Variants in ROBO2 observed in about 807,000 individuals in gnomAD.
ROBO2 encodes roundabout guidance receptor 2.
A neutral mutation model predicts 160.8 loss-of-function variants in ROBO2; 53 were observed. The ratio of observed to expected loss-of-function variants is 0.33; its 90% CI spans 0.26 to 0.41. The LOEUF is 0.41. Ranked by LOEUF, ROBO2 falls within the 10% of genes least tolerant of loss-of-function variation. The pLI, the probability that ROBO2 is intolerant of heterozygous loss-of-function variation, is 1.00. For synonymous variants in ROBO2, 664 were observed against 611.7 expected, an observed-to-expected ratio of 1.09 and a Z score of -1.26; for missense variants, 1,577 against 1,722.4, an observed-to-expected ratio of 0.92 and a Z score of 1.49.
At chr3:76,213,776 C>T (rs189772916) in intron 2 of ROBO2, among the ~76,000 whole-genome samples, 4 of 152,084 alleles carry the variant, frequency 2.6e-5, no homozygotes, top group Admixed American at 6.6e-5. Flanking sequence ...CATATTTTAT[C>T]GTTATTAATT....
At chr3:77,303,655 TGGG>T (rs1461597833) in intron 2 of ROBO2, among the ~76,000 whole-genome samples, 1 of 152,086 alleles carries the variant, frequency 6.6e-6, no homozygotes, top group Non-Finnish European at 1.5e-5. Context: ...TTGTACATAA[TGGG>T]TGGTGGTGGT....
intron 1 of ROBO2, among the ~76,000 whole-genome samples, chr3:75,930,548 T>A (rs1947490625): frequency 6.6e-6 from 1 of 152,200 alleles, no homozygotes; most frequent in African/African-American, 2.4e-5. Flanking sequence ...ACACACATAC[T>A]CTCTCTAAGC....
At chr3:76,796,338 A>C (rs1386453098) in intron 2 of ROBO2, among the ~76,000 whole-genome samples, 1 of 151,996 alleles carries the variant, frequency 6.6e-6, no homozygotes, top group Non-Finnish European at 1.5e-5. Context: ...ATCTGATATC[A>C]AAACATCTAC....
intron 2 of ROBO2, among the ~76,000 whole-genome samples, chr3:77,310,348 T>C (rs920734356): frequency 6.6e-6 from 1 of 152,164 alleles, no homozygotes; most frequent in Non-Finnish European, 1.5e-5. Context: ...TGAGAACCTA[T>C]GAGAAATTAA....
At chr3:76,166,874 T>C (rs960212683) in intron 2 of ROBO2, among the ~76,000 whole-genome samples, 1 of 152,220 alleles carries the variant, frequency 6.6e-6, no homozygotes, top group African/African-American at 2.4e-5. Flanking sequence ...TGGCCTGACA[T>C]GTGCACTTAT....
intron 2 of ROBO2, among the ~76,000 whole-genome samples, chr3:77,321,775 G>T (rs539830255): frequency 2.6e-5 from 4 of 152,054 alleles, no homozygotes; most frequent in Admixed American, 6.6e-5. Context: ...ACGGGCAAGC[G>T]GCAAGTGAAC....
chr3:76,295,186 T>G (rs1229779891), intron 2 of ROBO2, among the ~76,000 whole-genome samples: 1 of 152,166 alleles, frequency 6.6e-6, no homozygotes, highest in African/African-American at 2.4e-5. Context: ...TCAGACATAC[T>G]AACTTAGACT....
chr3:76,497,743 T>A (rs2080232938), intron 2 of ROBO2, among the ~76,000 whole-genome samples: 1 of 152,184 alleles, frequency 6.6e-6, no homozygotes, highest in Non-Finnish European at 1.5e-5. Context: ...GTTGAAGGTG[T>A]TCACAGAAAA....
At chr3:76,324,485 G>A (rs971433337) in intron 2 of ROBO2, among the ~76,000 whole-genome samples, 8 of 152,138 alleles carry the variant, frequency 5.3e-5, no homozygotes, top group Non-Finnish European at 8.8e-5. Flanking sequence ...AATGCAGGAC[G>A]GAGATTTTTT....
chr3:76,189,411 C>G (rs937713140), intron 2 of ROBO2, among the ~76,000 whole-genome samples: 2 of 151,980 alleles, frequency 1.3e-5, no homozygotes, highest in African/African-American at 4.8e-5. Context: ...TAAAAATAAA[C>G]CCAGATAATG....
At chr3:76,001,611 C>T (rs140293285) in intron 2 of ROBO2, among the ~76,000 whole-genome samples, 6 of 152,252 alleles carry the variant, frequency 3.9e-5, no homozygotes, top group African/African-American at 9.6e-5. Context: ...AATCATGGCT[C>T]ACTGCAGCCT....
chr3:77,294,332 A>C (rs1169558843), intron 2 of ROBO2, among the ~76,000 whole-genome samples: 1 of 143,566 alleles, frequency 7.0e-6, no homozygotes. Context: ...CTGAGGCTAG[A>C]TCACCAAAGA....
intron 2 of ROBO2, among the ~76,000 whole-genome samples, chr3:76,756,175 T>C (rs970815796): frequency 2.0e-5 from 3 of 151,880 alleles, no homozygotes; most frequent in Admixed American, 6.6e-5. Flanking sequence ...CAAGCAAATA[T>C]GTTACAGCGT....
intron 2 of ROBO2, among the ~76,000 whole-genome samples, chr3:76,287,595 C>T (rs780651807): frequency 3.3e-5 from 5 of 152,080 alleles, no homozygotes; most frequent in Non-Finnish European, 7.3e-5. Flanking sequence ...CCGCCGTGCC[C>T]GGCCCTTTTC....
chr3:77,277,938 T>C (rs1027379183), intron 2 of ROBO2, among the ~76,000 whole-genome samples: 2 of 143,702 alleles, frequency 1.4e-5, no homozygotes, highest in African/African-American at 4.9e-5. Context: ...TGTAAAAACA[T>C]TTCTTTTTCT....
At chr3:76,873,136 T>G (rs1047007662) in intron 2 of ROBO2, among the ~76,000 whole-genome samples, 2 of 152,186 alleles carry the variant, frequency 1.3e-5, no homozygotes, top group Non-Finnish European at 2.9e-5. Context: ...TTACTTTTAG[T>G]GCACATTAAA....
chr3:76,715,978 A>G (rs1057463638), intron 2 of ROBO2, among the ~76,000 whole-genome samples: 13 of 152,160 alleles, frequency 8.5e-5, no homozygotes, highest in Non-Finnish European at 8.8e-5. Context: ...AAAAAATTAT[A>G]TGTTGACTTT....
At chr3:76,874,800 G>A (rs1577182664) in intron 2 of ROBO2, among the ~76,000 whole-genome samples, 2 of 152,078 alleles carry the variant, frequency 1.3e-5, no homozygotes, top group Non-Finnish European at 2.9e-5. Context: ...TGCCAGACCC[G>A]GACAGGCCAA....
At chr3:76,354,797 G>A (rs1039958155) in intron 2 of ROBO2, among the ~76,000 whole-genome samples, 1 of 151,824 alleles carries the variant, frequency 6.6e-6, no homozygotes, top group African/African-American at 2.4e-5. Flanking sequence ...GAGGAAAAGA[G>A]AAGCCTCAGC....
Sources: allele counts gnomAD v4.1 joint callset (sites outside exome capture counted in the v4.1 genomes callset), GRCh38; gene constraint gnomAD v4.1.1; transcripts MANE v1.5; gene names NCBI Gene and HGNC (gene_info 2026-07-23, HGNC 2026-07-21).